The following SYT1 variants were observed in gnomAD, a reference collection of about 807,000 sequenced individuals.
SYT1 encodes the protein synaptotagmin-1.
A neutral mutation model predicts 44.8 loss-of-function variants in SYT1; 8 were observed. That is an observed-to-expected ratio of 0.18 (90% CI 0.10 to 0.32). The LOEUF (loss-of-function observed/expected upper bound fraction) is 0.32. SYT1 is among the 10% of genes least tolerant of loss of function. The probability of loss-of-function intolerance (pLI) is 1.00; values close to 1 mark genes in which losing one functional copy is unlikely to be tolerated. For synonymous variants in SYT1, 154 were observed against 188.8 expected (o/e 0.82, Z 1.51); for missense variants, 286 against 509.3 (o/e 0.56, Z 4.22).
At chr12:79,149,596 G>T (rs922705047) in intron 3 of SYT1, among the ~76,000 whole-genome samples, 1 of 151,924 alleles carries the variant, frequency 6.6e-6, no homozygotes. Flanking sequence ...GAAAATCCTT[G>T]CCTTTGCCCT....
At chr12:78,925,824 A>C (rs1877273395) in intron 1 of SYT1, among the ~76,000 whole-genome samples, 1 of 152,006 alleles carries the variant, frequency 6.6e-6, no homozygotes, top group Non-Finnish European at 1.5e-5. Flanking sequence ...ATAAGAATGC[A>C]CATATGTGAA....
At chr12:79,152,234 A>C (rs186154099) in intron 3 of SYT1, among the ~76,000 whole-genome samples, 231 of 152,290 alleles carry the variant, frequency 1.5e-3, no homozygotes, top group African/African-American at 5.3e-3. Context: ...TCAATGGGTC[A>C]AAAAGGCAGT....
chr12:79,347,041 CTTT>C lies in SYT1; in HGVS notation c.811-6446_811-6444del, dbSNP rs59524429. 3.0e-4 allele frequency among the ~76,000 whole-genome samples: 38 copies of C among 125,926 alleles called. 1 individual carries two copies. The highest frequency in any genetic ancestry group is 7.9e-4 in the African/African-American group (28 of 35,324). 82.6% of individuals were successfully genotyped at this position (125,926 alleles called of 152,430 possible). On this transcript the variant is annotated intron_variant, in intron 8 of 10. Coordinates refer to ENST00000261205, the MANE Select transcript of SYT1 (RefSeq NM_005639.3). ...TTGTTTGTTTGTGTGTTTGTTTTTT[CTTT>C]TTTTTTTTTTTTTTGAACATGGACT...
intron 1 of SYT1, among the ~76,000 whole-genome samples, chr12:78,953,854 GT>G (rs1408078816): frequency 1.3e-5 from 2 of 151,972 alleles, no homozygotes; most frequent in Non-Finnish European, 2.9e-5. Context: ...CACTAAACTG[GT>G]TTGCTTTGGG....
intron 1 of SYT1, among the ~76,000 whole-genome samples, chr12:78,975,033 G>A (rs537562180): frequency 6.6e-6 from 1 of 152,044 alleles, no homozygotes; most frequent in East Asian, 1.9e-4. Flanking sequence ...TCTGTCAAAC[G>A]TTTAATGCTC....
intron 3 of SYT1, among the ~76,000 whole-genome samples, chr12:79,145,883 A>G (rs1057305078): frequency 9.3e-5 from 14 of 150,812 alleles, no homozygotes; most frequent in African/African-American, 1.5e-4. Context: ...TCAGCCTCCC[A>G]AGTAGCTGGG....
chr12:79,051,152 A>G (rs1366316367), intron 3 of SYT1, among the ~76,000 whole-genome samples: 1 of 151,502 alleles, frequency 6.6e-6, no homozygotes, highest in Admixed American at 6.6e-5. Context: ...TTAAAAAAAA[A>G]CTCTTCTCCA....
At chr12:78,866,582 G>A (rs934906797) in intron 1 of SYT1, among the ~76,000 whole-genome samples, 2 of 152,082 alleles carry the variant, frequency 1.3e-5, no homozygotes, top group African/African-American at 4.8e-5. Flanking sequence ...GGGGATATAA[G>A]CTTTCTTTTC....
At chr12:78,901,801 T>C (rs569199439) in intron 1 of SYT1, among the ~76,000 whole-genome samples, 4 of 152,238 alleles carry the variant, frequency 2.6e-5, no homozygotes, top group African/African-American at 9.6e-5. Context: ...TTGAAACATC[T>C]TTAAAAATGG....
At chr12:79,154,505 A>T (rs1242205002) in intron 3 of SYT1, among the ~76,000 whole-genome samples, 2 of 152,010 alleles carry the variant, frequency 1.3e-5, no homozygotes, top group Non-Finnish European at 1.5e-5. Context: ...ATTAGGAAGC[A>T]GTCTGACCCC....
At position 79,386,847 on chromosome 12, in the gene SYT1, G is replaced by A. The variant is rs566556603; in HGVS notation, c.928+33228G>A. On this transcript the variant is annotated intron_variant, in intron 9 of 10. Coordinates refer to ENST00000261205, the MANE Select transcript of SYT1 (RefSeq NM_005639.3). ...TTCTCATTGCTACTTCAGTTTCCCTGTGACCTCCTACTTCACTTCTCTACG... is the reference window on the plus strand; with the variant it reads ...TTCTCATTGCTACTTCAGTTTCCCTATGACCTCCTACTTCACTTCTCTACG... 3.3e-5 allele frequency among the ~76,000 whole-genome samples: 5 copies of A among 152,202 alleles called. 1 individual carries two copies. The highest frequency in any genetic ancestry group is 1.2e-4 in the African/African-American group (5 of 41,520).
chr12:79,435,177 G>A (rs894517823), intron 9 of SYT1, among the ~76,000 whole-genome samples: 22 of 152,234 alleles, frequency 1.4e-4, no homozygotes, highest in Middle Eastern at 3.4e-3. Flanking sequence ...ATCCATAAGA[G>A]GAAAGCCTAG....
chr12:79,315,162 A>G (rs1881022461), intron 8 of SYT1, among the ~76,000 whole-genome samples: 1 of 152,138 alleles, frequency 6.6e-6, no homozygotes, highest in African/African-American at 2.4e-5. Flanking sequence ...ATTTTTCTCA[A>G]TAAGCTGTTT....
intron 3 of SYT1, among the ~76,000 whole-genome samples, chr12:79,115,263 A>C (rs1023835891): frequency 1.3e-5 from 2 of 152,220 alleles, no homozygotes; most frequent in Non-Finnish European, 2.9e-5. Context: ...TGAGTTGCAC[A>C]TAATTCCAGG....
chr12:79,114,490 C>T (rs530930122), intron 3 of SYT1, among the ~76,000 whole-genome samples: 1 of 152,234 alleles, frequency 6.6e-6, no homozygotes, highest in South Asian at 2.1e-4. Context: ...CCTCCAACCC[C>T]TAACTCCCAT....
chr12:78,939,863 T>A (rs2137244955), intron 1 of SYT1, among the ~76,000 whole-genome samples: 1 of 152,292 alleles, frequency 6.6e-6, no homozygotes, highest in Admixed American at 6.5e-5. Context: ...GAAATTAGGG[T>A]TTCTGACAAT....
rs1411966170 is a variant in SYT1 at position 79,450,451 on chromosome 12, C to CTCTT, written c.*1328_*1331dup. ...ACAAGTTCTAGAAAACTGAAGCAAC[C>CTCTT]TCTTATGTATACTAGATGCTTGATT... On this transcript the variant is annotated 3_prime_UTR_variant, in exon 11 of 11. Transcript: ENST00000261205. 1 of 152,404 alleles carries CTCTT rather than the reference C, an allele frequency of 6.6e-6. No homozygotes were observed. Among genetic ancestry groups the CTCTT allele is most frequent in the Non-Finnish European group, 1.5e-5 (1 of 68,012 alleles). 9.4% of individuals were successfully genotyped at this position (152,404 alleles called of 1,614,324 possible).
chr12:79,330,223 C>T (rs1168099906), intron 8 of SYT1, among the ~76,000 whole-genome samples: 1 of 152,208 alleles, frequency 6.6e-6, no homozygotes, highest in Non-Finnish European at 1.5e-5. Flanking sequence ...TTGTAGCCTG[C>T]TGTTTCCTGT....
chr12:79,285,653 G>A (rs1267624181), intron 4 of SYT1, 134 bp from the exon 5 acceptor site: 1 of 624,470 alleles, frequency 1.6e-6, no homozygotes, highest in Non-Finnish European at 2.7e-6. Context: ...AAGTACTGAG[G>A]AATGGTGTAC....
Sources: allele counts gnomAD v4.1 joint callset (sites outside exome capture counted in the v4.1 genomes callset), GRCh38; gene constraint gnomAD v4.1.1; transcripts MANE v1.5; gene names NCBI Gene and HGNC (gene_info 2026-07-23, HGNC 2026-07-21).